Variants in BOK observed in about 807,000 individuals in gnomAD.
BOK encodes BCL2 family apoptosis regulator BOK.
A neutral mutation model predicts 18.3 loss-of-function variants in BOK; 20 were observed. The ratio of observed to expected loss-of-function variants is 1.09; its 90% CI spans 0.77 to 1.59. The LOEUF (loss-of-function observed/expected upper bound fraction) is 1.59. Among genes scored for constraint, BOK ranks in the 40% most tolerant of loss-of-function variants. BOK has a pLI of 0.00. For missense variants in BOK, 348 were observed against 307.9 expected, an observed-to-expected ratio of 1.13 and a Z score of -0.97; for synonymous variants, 173 against 142.4, an observed-to-expected ratio of 1.21 and a Z score of -1.53.
At chr2:241,559,747 G>A in intron 2 of BOK, 44 bp downstream of exon 2, 1 of 1,280,774 alleles carries the variant, frequency 7.8e-7, no homozygotes, top group Non-Finnish European at 9.8e-7. Flanking sequence ...CTCCTCCCCT[G>A]CTGGGCCGCA....
intron 3 of BOK, 126 bp from the exon 4 acceptor site, chr2:241,569,999 T>A (rs1017353023): frequency 1.1e-5 from 14 of 1,245,482 alleles, no homozygotes; most frequent in Middle Eastern, 5.4e-4. Flanking sequence ...GGTCCCCCCT[T>A]GGGACGGTCC....
intron 1 of BOK, 133 bp downstream of exon 1, chr2:241,559,126 C>T (rs2066483180): frequency 5.8e-6 from 1 of 171,488 alleles, no homozygotes; most frequent in African/African-American, 2.4e-5. Flanking sequence ...GGGCCGGGTC[C>T]TGGCAGTCGC....
In BOK at chr2:241,562,617, T is replaced by G. The variant is rs1033473561; in HGVS notation, c.349+141T>G. The stretch of plus-strand genomic sequence containing the variant: ...ACCGGTGCCATCTCACTGCTGCAGG[T>G]GTCAGGAGCTGCCCAGCCACCAGCG... On this transcript the variant is annotated intron_variant, in intron 3 of 4. Coordinates refer to ENST00000318407, the MANE Select transcript of BOK (RefSeq NM_032515.5). The surrounding 1 kb of genome is among the most constrained non-coding windows in gnomAD (Gnocchi z 4.5). 11 of 1,153,244 alleles carry G rather than the reference T, an allele frequency of 9.5e-6. No individual in the cohort carries two copies. Among genetic ancestry groups the G allele is most frequent in the Non-Finnish European group, 5.8e-6 (5 of 855,058 alleles). The allele number at this position is 1,153,244 out of a possible 1,614,324, so 71.4% of individuals were successfully genotyped here.
In BOK at chr2:241,562,504, A is replaced by G. The variant is rs754680611; in HGVS notation, c.349+28A>G. 6 of 1,590,186 alleles carry G rather than the reference A, an allele frequency of 3.8e-6. No homozygotes were observed. In the African/African-American group the frequency reaches 6.7e-5, roughly 18 times the overall value. ...ATGCCCAGCCTGCCCGTCCCATGGGACCTCAGGGAGGGATCCAGGGTCTGT... is the reference window on the plus strand; with the variant it reads ...ATGCCCAGCCTGCCCGTCCCATGGGGCCTCAGGGAGGGATCCAGGGTCTGT... On this transcript the variant is annotated intron_variant, in intron 3 of 4. Coordinates refer to ENST00000318407, the MANE Select transcript of BOK (RefSeq NM_032515.5). This position sits in a 1 kb window ranked among gnomAD's most constrained non-coding sequence, Gnocchi z 4.5.
chr2:241,555,003 C>T (rs1238798282), upstream of BOK, among the ~76,000 whole-genome samples: 5 of 151,910 alleles, frequency 3.3e-5, no homozygotes, highest in Admixed American at 2.0e-4. Context: ...CAAAGGTGAC[C>T]GGAGAAATGT....
At chr2:241,558,695 T>A (rs1235560581), upstream of BOK, 3 of 152,244 alleles carry the variant, frequency 2.0e-5, no homozygotes, top group Admixed American at 6.5e-5. Context: ...TCTCCCCGAC[T>A]CCGCCCCCAG....
At chr2:241,569,883 G>A (rs551298813) in intron 3 of BOK, among the ~76,000 whole-genome samples, 8 of 152,314 alleles carry the variant, frequency 5.3e-5, no homozygotes, top group South Asian at 4.1e-4. Context: ...CTCACCCCAC[G>A]TTGTCCCTGC....
chr2:241,564,492 T>C (rs2066580021), intron 3 of BOK, among the ~76,000 whole-genome samples: 1 of 150,688 alleles, frequency 6.6e-6, no homozygotes, highest in Admixed American at 6.6e-5. Context: ...CTGAGGCGTG[T>C]CATGGGGCAG....
In BOK at chr2:241,562,345, C is replaced by G. The variant is rs754152649; in HGVS notation, c.221-3C>G. 5 of 1,595,768 alleles carry G rather than the reference C, an allele frequency of 3.1e-6. No homozygotes were observed. Among genetic ancestry groups the G allele is most frequent in the Non-Finnish European group, 4.3e-6 (5 of 1,172,118 alleles). ...CCTCTCACCTGCTCTTGTGACCACA[C>G]AGGCGATGAGCTGGAGATGATCCGG... On this transcript the variant is annotated splice_region_variant and splice_polypyrimidine_tract_variant and intron_variant, in intron 2 of 4. Coordinates refer to ENST00000318407, the MANE Select transcript of BOK (RefSeq NM_032515.5). The surrounding 1 kb of genome is among the most constrained non-coding windows in gnomAD (Gnocchi z 4.5).
chr2:241,569,087 G>C (rs1351796180), intron 3 of BOK, among the ~76,000 whole-genome samples: 1 of 152,190 alleles, frequency 6.6e-6, no homozygotes, highest in Non-Finnish European at 1.5e-5. Context: ...GGTTTACAAG[G>C]CTGTGCAGTG....
chr2:241,551,870 C>T (rs1315856989), intron 1 of BOK, among the ~76,000 whole-genome samples: 1 of 151,788 alleles, frequency 6.6e-6, no homozygotes, highest in African/African-American at 2.4e-5. Context: ...CCTGCCCTGC[C>T]CACCCAGTAT....
At chr2:241,560,314 C>T in intron 2 of BOK, 1 of 975,534 alleles carries the variant, frequency 1.0e-6, no homozygotes, top group Non-Finnish European at 1.2e-6. Flanking sequence ...GTCCAGTCCC[C>T]TCACCACAGC....
At chr2:241,552,940 C>T (rs1039946617) in intron 1 of BOK, among the ~76,000 whole-genome samples, 24 of 152,174 alleles carry the variant, frequency 1.6e-4, no homozygotes, top group Non-Finnish European at 2.8e-4. Context: ...AGATTCCGGG[C>T]GGCTCGCCAC....
intron 4 of BOK, among the ~76,000 whole-genome samples, chr2:241,571,455 C>A (rs1363494389): frequency 2.0e-5 from 3 of 152,158 alleles, no homozygotes; most frequent in Non-Finnish European, 4.4e-5. Context: ...GGGGCCTTAG[C>A]TTTAGCATCT....
At chr2:241,559,957 C>G (rs2066501763) in intron 2 of BOK, 1 of 684,520 alleles carries the variant, frequency 1.5e-6, no homozygotes, top group Admixed American at 6.3e-5. Flanking sequence ...TAGAAAGCTC[C>G]AGAAAGAATA....
chr2:241,563,374 C>G (rs1261811413), intron 3 of BOK, among the ~76,000 whole-genome samples: 4 of 152,216 alleles, frequency 2.6e-5, no homozygotes, highest in Non-Finnish European at 1.5e-5. Flanking sequence ...GTCCTGGCAC[C>G]CCGTGCTATG....
chr2:241,554,298 G>A (rs1031480937), upstream of BOK, among the ~76,000 whole-genome samples: 1 of 150,852 alleles, frequency 6.6e-6, no homozygotes, highest in African/African-American at 2.4e-5. Context: ...GCCATGAGGA[G>A]GTGAATGGCT....
intron 3 of BOK, among the ~76,000 whole-genome samples, chr2:241,569,616 G>A (rs757196175): frequency 4.6e-5 from 7 of 152,028 alleles, no homozygotes; most frequent in South Asian, 2.1e-4. Context: ...ACGTCTTTCC[G>A]TGTTGAGGCG....
chr2:241,570,078 C>A, intron 3 of BOK, 47 bp from the exon 4 acceptor site: 1 of 1,581,624 alleles, frequency 6.3e-7, no homozygotes. Context: ...TAAGTGCTCC[C>A]GTGGGCGGGA....
Sources: gnomAD v4.1 joint callset for allele counts (sites outside exome capture counted in the v4.1 genomes callset) on GRCh38, gnomAD v4.1.1 for gene constraint, Gnocchi (gnomAD v3.1) non-coding constraint, MANE v1.5 for transcripts, NCBI Gene and HGNC (gene_info 2026-07-23, HGNC 2026-07-21) for gene names.